Variants in PABPC4L observed in about 807,000 individuals in gnomAD.
PABPC4L encodes the protein polyadenylate-binding protein 4-like.
For missense variants in PABPC4L, 452 were observed against 451.4 expected, an observed-to-expected ratio of 1.00 and a Z score of -0.01; for synonymous variants, 169 against 164.1, an observed-to-expected ratio of 1.03 and a Z score of -0.23.
the PABPC4L span, among the ~76,000 whole-genome samples, chr4:134,055,689 G>T: frequency 7.0e-6 from 1 of 143,684 alleles, no homozygotes. Flanking sequence ...TTAATGTTGA[G>T]TTTCAAGAGT....
At chr4:133,981,285 A>G in the PABPC4L span, among the ~76,000 whole-genome samples, 1 of 152,212 alleles carries the variant, frequency 6.6e-6, no homozygotes, top group Admixed American at 6.5e-5. Flanking sequence ...TATGTGACTT[A>G]GTACTGAACT....
chr4:134,189,704 G>A, the PABPC4L span, among the ~76,000 whole-genome samples: 2,112 of 152,112 alleles, frequency 0.014, 43 homozygotes, highest in African/African-American at 0.048. Flanking sequence ...CTGTCTTTTA[G>A]TGAGTCTGTG....
chr4:134,029,586 AC>A, the PABPC4L span, among the ~76,000 whole-genome samples: 1 of 151,964 alleles, frequency 6.6e-6, no homozygotes, highest in East Asian at 1.9e-4. Context: ...AATAGGGTAA[AC>A]TTTTAAAAAT....
the PABPC4L span, among the ~76,000 whole-genome samples, chr4:134,015,059 C>T: frequency 6.6e-6 from 1 of 152,016 alleles, no homozygotes; most frequent in African/African-American, 2.4e-5. Flanking sequence ...CCTTAACCCA[C>T]AAGTATAAGA....
At chr4:134,168,234 TAAA>T in the PABPC4L span, among the ~76,000 whole-genome samples, 4 of 151,502 alleles carry the variant, frequency 2.6e-5, no homozygotes, top group African/African-American at 9.7e-5. Flanking sequence ...CAAATAAAAA[TAAA>T]AACACAGCAT....
the PABPC4L span, among the ~76,000 whole-genome samples, chr4:134,116,359 A>G: frequency 6.6e-6 from 1 of 151,898 alleles, no homozygotes; most frequent in South Asian, 2.1e-4. Context: ...AAAAGTGACT[A>G]AAAGCCCACT....
the PABPC4L span, among the ~76,000 whole-genome samples, chr4:134,042,960 T>C: frequency 2.0e-5 from 3 of 152,138 alleles, no homozygotes; most frequent in African/African-American, 7.2e-5. Flanking sequence ...CCTCTTTCAA[T>C]CATCAGTCCC....
At chr4:134,156,585 T>C in the PABPC4L span, among the ~76,000 whole-genome samples, 2 of 152,010 alleles carry the variant, frequency 1.3e-5, no homozygotes, top group African/African-American at 2.4e-5. Context: ...TTCTGAAACA[T>C]ACTGTAAATT....
At chr4:134,081,524 A>G in the PABPC4L span, among the ~76,000 whole-genome samples, 2 of 152,230 alleles carry the variant, frequency 1.3e-5, no homozygotes, top group African/African-American at 4.8e-5. Flanking sequence ...TTGAGAGTTT[A>G]AGGAATCTGG....
the PABPC4L span, among the ~76,000 whole-genome samples, chr4:134,069,931 T>G: frequency 6.6e-6 from 1 of 151,966 alleles, no homozygotes; most frequent in Non-Finnish European, 1.5e-5. Flanking sequence ...CATTAGTTTT[T>G]TCTCATCTGT....
chr4:134,123,742 AT>A, the PABPC4L span, among the ~76,000 whole-genome samples: 1 of 152,014 alleles, frequency 6.6e-6, no homozygotes, highest in Non-Finnish European at 1.5e-5. Flanking sequence ...GATAATTTTA[AT>A]TTTTAAAAAA....
chr4:134,129,613 T>A, the PABPC4L span, among the ~76,000 whole-genome samples: 1 of 152,150 alleles, frequency 6.6e-6, no homozygotes, highest in East Asian at 1.9e-4. Context: ...AATTTAAAAA[T>A]TTAAATTTAA....
At position 134,199,410 on chromosome 4, in the gene PABPC4L, C is replaced by T. The variant is rs980498834; in HGVS notation, c.*497G>A. 1 of 152,086 alleles carries T rather than the reference C, an allele frequency of 6.6e-6. No individual in the cohort carries two copies. Among genetic ancestry groups the T allele is most frequent in the Non-Finnish European group, 1.5e-5 (1 of 68,068 alleles). 9.4% of individuals were successfully genotyped at this position (152,086 alleles called of 1,614,324 possible). The stretch of plus-strand genomic sequence containing the variant: ...GCATTAATTCAAAATGAAATTAGGT[C>T]TTTAAATTCGTACTATAAATTTCTA... On this transcript the variant is annotated 3_prime_UTR_variant, in exon 2 of 2. Coordinates refer to ENST00000421491, the MANE Select transcript of PABPC4L (RefSeq NM_001114734.2).
the PABPC4L span, among the ~76,000 whole-genome samples, chr4:134,003,523 A>G: frequency 6.6e-6 from 1 of 152,082 alleles, no homozygotes; most frequent in African/African-American, 2.4e-5. Flanking sequence ...TTTATGGAAT[A>G]AATAAATCAT....
chr4:134,111,355 A>T, the PABPC4L span, among the ~76,000 whole-genome samples: 1 of 152,002 alleles, frequency 6.6e-6, no homozygotes, highest in African/African-American at 2.4e-5. Flanking sequence ...AATTTTGGAG[A>T]GGAAAAAAAC....
the PABPC4L span, among the ~76,000 whole-genome samples, chr4:133,990,478 T>C: frequency 6.6e-6 from 1 of 152,104 alleles, no homozygotes; most frequent in African/African-American, 2.4e-5. Context: ...CTTTCCTAAG[T>C]GCTGCCAAAT....
At chr4:134,020,436 A>G in the PABPC4L span, among the ~76,000 whole-genome samples, 12 of 152,242 alleles carry the variant, frequency 7.9e-5, no homozygotes, top group South Asian at 4.1e-4. Context: ...TTCTCCAGAT[A>G]TTAGGATATC....
the PABPC4L span, among the ~76,000 whole-genome samples, chr4:134,131,269 T>C: frequency 2.0e-5 from 3 of 152,112 alleles, no homozygotes; most frequent in East Asian, 5.8e-4. Context: ...TGTTTGCTGA[T>C]GACATGATCA....
At chr4:134,069,062 G>A in the PABPC4L span, among the ~76,000 whole-genome samples, 6 of 152,138 alleles carry the variant, frequency 3.9e-5, no homozygotes, top group Non-Finnish European at 5.9e-5. Context: ...TCTGGACTAG[G>A]ATCCTATCTC....
Sources: allele counts gnomAD v4.1 joint callset (sites outside exome capture counted in the v4.1 genomes callset), GRCh38; gene constraint gnomAD v4.1.1; transcripts MANE v1.5; gene names NCBI Gene and HGNC (gene_info 2026-07-23, HGNC 2026-07-21).